Variants in CHST15 observed in about 807,000 individuals in gnomAD.
CHST15 encodes carbohydrate sulfotransferase 15.
A neutral mutation model predicts 53.6 loss-of-function variants in CHST15; 30 were observed. The observed-to-expected ratio is 0.56, with a 90% CI of 0.42 to 0.76. The LOEUF (loss-of-function observed/expected upper bound fraction) is 0.76, where lower values mean the gene tolerates loss of function less well. Ranked by LOEUF, CHST15 falls within the 30% of genes least tolerant of loss-of-function variation. CHST15 has a pLI of 0.00. For missense variants in CHST15, 627 were observed against 740.5 expected (o/e 0.85, Z 1.78); for synonymous variants, 296 against 289.8 (o/e 1.02, Z -0.22).
At chr10:124,052,636 C>T (rs1010221579) in intron 1 of CHST15, among the ~76,000 whole-genome samples, 3 of 152,192 alleles carry the variant, frequency 2.0e-5, no homozygotes, top group Non-Finnish European at 4.4e-5. Context: ...TATTAAACGT[C>T]TCTTCTCCCC....
chr10:124,012,386 T>A lies in CHST15; in HGVS notation c.1442A>T (p.His481Leu). 3 of 1,614,070 alleles carry A rather than the reference T, an allele frequency of 1.9e-6. No individual in the cohort carries two copies. The South Asian group carries it at 3.3e-5, about 18-fold the overall frequency. The change falls in exon 7 of 8, where the codon CAT becomes CTT. Residue 481 changes from histidine (H) to leucine (L), a missense_variant. Physicochemically the swap from His to Leu is moderately conservative, Grantham distance 99. This residue lies in a region of CHST15 where 279 missense variants were observed against 371.6 expected (regional missense o/e 0.75). Transcript: ENST00000435907. ...QQFLILRLED[H>L]ASNVKYTMHK... is the part of the protein sequence containing the mutation. ...CATGGTGTACTTGACGTTGGATGCA[T>A]GATCTTCCAGGCGAAGAATGAGAAA...
At chr10:124,080,729 T>C (rs1236162490) in intron 1 of CHST15, among the ~76,000 whole-genome samples, 1 of 152,234 alleles carries the variant, frequency 6.6e-6, no homozygotes, top group Admixed American at 6.5e-5. Flanking sequence ...CACTGACTTC[T>C]GCAGGCCTCC....
Position 124,019,815 on chromosome 10 carries a change from G to T in CHST15, c.1347+1441C>A. ...TTCTTCTGAGGCTAGACCAGGTGGT[G>T]CGGCCCCATGTGCCACGCACCCAAG... On this transcript the variant is annotated intron_variant, in intron 6 of 7. Transcript: ENST00000435907. This position sits in a 1 kb window ranked among gnomAD's most constrained non-coding sequence, Gnocchi z 4.6. The T allele has an allele frequency of 1.0e-6, 1 of 985,582 alleles. No individual in the cohort carries two copies. The highest frequency in any genetic ancestry group is 1.2e-6 in the Non-Finnish European group (1 of 830,082). The allele number at this position is 985,582 out of a possible 1,614,324, so 61.1% of individuals were successfully genotyped here. A position where few individuals can be genotyped will look rare whatever the true frequency, so the allele number is the denominator to read the frequency against.
At chr10:124,077,926 G>T (rs1037763710) in intron 1 of CHST15, among the ~76,000 whole-genome samples, 1 of 152,156 alleles carries the variant, frequency 6.6e-6, no homozygotes, top group Non-Finnish European at 1.5e-5. Flanking sequence ...AAATACACCA[G>T]AGCATAATTC....
intron 1 of CHST15, among the ~76,000 whole-genome samples, chr10:124,051,052 T>G (rs1230816183): frequency 6.6e-6 from 1 of 152,140 alleles, no homozygotes; most frequent in Non-Finnish European, 1.5e-5. Context: ...CAAGCGATTC[T>G]CCTGTCTCAG....
intron 7 of CHST15, chr10:124,011,870 A>T (rs1946426717): frequency 1.0e-6 from 1 of 984,982 alleles, no homozygotes; most frequent in Non-Finnish European, 1.2e-6. Context: ...CTAAGCCCCA[A>T]GTCCTCTGCT....
intron 4 of CHST15, among the ~76,000 whole-genome samples, chr10:124,040,591 G>A (rs954397851): frequency 3.3e-5 from 5 of 152,176 alleles, no homozygotes; most frequent in African/African-American, 4.8e-5. Context: ...TTTCTGCCCC[G>A]AATCTAACAA....
At chr10:124,089,608 A>G (rs1306674112) in intron 1 of CHST15, among the ~76,000 whole-genome samples, 1 of 152,134 alleles carries the variant, frequency 6.6e-6, no homozygotes, top group East Asian at 1.9e-4. Flanking sequence ...ATCATACCTG[A>G]GCATCCCCTG....
intron 1 of CHST15, among the ~76,000 whole-genome samples, chr10:124,057,520 C>T (rs1237018314): frequency 1.3e-5 from 2 of 152,164 alleles, no homozygotes; most frequent in African/African-American, 2.4e-5. Context: ...CGTGTCCGTT[C>T]GTACAGACAA....
chr10:124,083,572 G>A (rs963679443), intron 1 of CHST15, among the ~76,000 whole-genome samples: 1 of 152,072 alleles, frequency 6.6e-6, no homozygotes, highest in African/African-American at 2.4e-5. Flanking sequence ...CTTCTCTTCT[G>A]TACATCTCCT....
intron 1 of CHST15, among the ~76,000 whole-genome samples, chr10:124,063,758 C>T (rs769528127): frequency 4.3e-4 from 66 of 152,234 alleles, no homozygotes; most frequent in African/African-American, 1.5e-3. Context: ...CGGAGCACAG[C>T]GAAGACCTTG....
Position 124,008,396 on chromosome 10 carries a change from G to C in CHST15, c.*1753C>G. On this transcript the variant is annotated 3_prime_UTR_variant, in exon 8 of 8. Transcript: ENST00000435907. ...CTGCAAATAAATATACACACACACTGAAGTGATCTCTCCCTAAAGCATCCT... is the reference window on the plus strand; with the variant it reads ...CTGCAAATAAATATACACACACACTCAAGTGATCTCTCCCTAAAGCATCCT... 1 of 1,001,250 alleles carries C rather than the reference G, an allele frequency of 1.0e-6. No homozygotes were observed. Among genetic ancestry groups the C allele is most frequent in the African/African-American group, 1.7e-5 (1 of 57,950 alleles). The allele number at this position is 1,001,250 out of a possible 1,614,324, so 62.0% of individuals were successfully genotyped here.
rs200264048 is a variant in CHST15, at chr10:124,010,243, A to C, written c.1592T>G (p.Ile531Ser). 69 of 1,614,132 alleles carry C rather than the reference A, an allele frequency of 4.3e-5. No individual in the cohort carries two copies. In the East Asian group the frequency reaches 7.4e-4, roughly 17 times the overall value. The change falls in exon 8 of 8, where the codon ATC (isoleucine) becomes AGC (serine). Residue 531 changes from isoleucine (I) to serine (S), a missense_variant. Coordinates refer to ENST00000435907, the MANE Select transcript of CHST15 (RefSeq NM_001270764.2). The part of the protein sequence containing the change: ...EDRNLGPMWP[I>S]TQKILRDFYR... ...GAAATCCCGCAGAATCTTCTGTGTG[A>C]TGGGCCACATGGGCCCCAGGTTCCG...
chr10:124,026,065 CA>C (rs1564859120), intron 5 of CHST15, among the ~76,000 whole-genome samples: 1 of 152,184 alleles, frequency 6.6e-6, no homozygotes, highest in African/African-American at 2.4e-5. Flanking sequence ...TAAGGAAGAC[CA>C]ATTACTCCAA....
intron 1 of CHST15, among the ~76,000 whole-genome samples, chr10:124,089,151 C>T (rs1178516778): frequency 6.6e-6 from 1 of 152,182 alleles, no homozygotes; most frequent in Non-Finnish European, 1.5e-5. Context: ...AATCTCATAC[C>T]TGAGCATCCC....
At chr10:124,034,733 GGGACCCCGGCTCCACCCCCTAACA>G in intron 5 of CHST15, among the ~76,000 whole-genome samples, 6 of 143,312 alleles carry the variant, frequency 4.2e-5, no homozygotes, top group African/African-American at 1.3e-4. Context: ...CCCCCTAACA[GGGACCCCGGCTCCACCCCCTAACA>G]GGGACGCCGG....
chr10:124,042,278 C>A, intron 4 of CHST15, 23 bp downstream of exon 4: 1 of 1,597,692 alleles, frequency 6.3e-7, no homozygotes. Context: ...GCTAGCCCTG[C>A]CAGAGTGACA....
At chr10:124,056,758 G>A (rs1020517932) in intron 1 of CHST15, among the ~76,000 whole-genome samples, 3 of 152,106 alleles carry the variant, frequency 2.0e-5, no homozygotes, top group Non-Finnish European at 2.9e-5. Context: ...GACACGCTGC[G>A]GCCCAGGCCC....
At chr10:124,091,854 G>A (rs1468232914) in intron 1 of CHST15, among the ~76,000 whole-genome samples, 1 of 152,214 alleles carries the variant, frequency 6.6e-6, no homozygotes, top group East Asian at 1.9e-4. Flanking sequence ...CCAGCAGCCG[G>A]CAACCCAGCC....
Sources: allele counts gnomAD v4.1 joint callset (sites outside exome capture counted in the v4.1 genomes callset), GRCh38; gene constraint gnomAD v4.1.1; regional missense constraint gnomAD v4.1.1; non-coding constraint Gnocchi (gnomAD v3.1); transcripts MANE v1.5; gene names NCBI Gene and HGNC (gene_info 2026-07-23, HGNC 2026-07-21).